The following DIXDC1 variants were observed in gnomAD, a reference collection of about 807,000 sequenced individuals.
DIXDC1 encodes the protein dixin.
Under a neutral mutation model 103.1 loss-of-function variants are expected in DIXDC1, and 64 were observed. The observed-to-expected ratio is 0.62, with a 90% CI of 0.51 to 0.76. The LOEUF is 0.76. Ranked by LOEUF, DIXDC1 falls within the 30% of genes least tolerant of loss-of-function variation. The pLI, the probability that DIXDC1 is intolerant of heterozygous loss-of-function variation, is 0.00. For missense variants in DIXDC1, 759 were observed against 834.2 expected (o/e 0.91, Z 1.11); for synonymous variants, 266 against 298.5 (o/e 0.89, Z 1.12).
At chr11:111,982,303 T>G (rs372917958) in intron 6 of DIXDC1, 36 bp from the exon 7 acceptor site, 342 of 1,593,844 alleles carry the variant, frequency 2.1e-4, no homozygotes, top group Non-Finnish European at 2.8e-4. Context: ...TCAGTTTTCT[T>G]CAACATGAAC....
Position 111,982,488 on chromosome 11 carries a change from G to A in DIXDC1, c.918+1G>A. The stretch of plus-strand genomic sequence containing the variant: ...AAAGAAAATGATATCAGGACTACAG[G>A]TAGCTCTCTCCCTTGTAGTTTGCCC... On this transcript the variant is annotated splice_donor_variant, in intron 7 of 19. Coordinates refer to ENST00000440460, the MANE Select transcript of DIXDC1 (RefSeq NM_001037954.4). LOFTEE classifies it high-confidence loss of function. 6.2e-7 allele frequency: 1 copy of A among 1,612,750 alleles called. No individual in the cohort carries two copies. The highest frequency in any genetic ancestry group is 8.5e-7 in the Non-Finnish European group (1 of 1,179,388).
chr11:112,013,495 G>C (rs1555177415), intron 17 of DIXDC1, among the ~76,000 whole-genome samples: 1 of 151,938 alleles, frequency 6.6e-6, no homozygotes, highest in Non-Finnish European at 1.5e-5. Flanking sequence ...ACATAATAAG[G>C]CACCCTATAA....
intron 1 of DIXDC1, among the ~76,000 whole-genome samples, chr11:111,954,435 G>T (rs1966870864): frequency 6.6e-6 from 1 of 152,194 alleles, no homozygotes; most frequent in Non-Finnish European, 1.5e-5. Flanking sequence ...GTTGCTAACA[G>T]GCCATGGACC....
chr11:111,931,377 C>T (rs754249470), intron 2 of DIXDC1, among the ~76,000 whole-genome samples: 1 of 150,750 alleles, frequency 6.6e-6, no homozygotes, highest in Non-Finnish European at 1.5e-5. Flanking sequence ...AGGCCAGGTG[C>T]GGTGGCTCAC....
rs1449027281 is a variant in DIXDC1, at chr11:111,958,177, C to T, written c.61-6372C>T. Among the ~76,000 whole-genome samples the T allele has an allele frequency of 6.6e-6, 1 of 150,840 alleles. No individual in the cohort carries two copies. The highest frequency in any genetic ancestry group is 1.5e-5 in the Non-Finnish European group (1 of 67,638). The stretch of plus-strand genomic sequence containing the variant: ...TCCCTGTGCTCTTGTGGGCCAGAAG[C>T]AGGTAGGAGTCCCGGCCTCCCGGGC... On this transcript the variant is annotated intron_variant, in intron 1 of 19. Coordinates refer to ENST00000440460, the MANE Select transcript of DIXDC1 (RefSeq NM_001037954.4). This position sits in a 1 kb window ranked among gnomAD's most constrained non-coding sequence, Gnocchi z 4.2.
Position 111,985,328 on chromosome 11 carries a change from TC to T in DIXDC1, c.1008+9del. ...CAATCCCGAGGAACAACTGGTGAGC[TC>T]CATCTTTTGTGATTGGACACTAAAT... On this transcript the variant is annotated splice_region_variant and intron_variant, in intron 8 of 19. Coordinates refer to ENST00000440460, the MANE Select transcript of DIXDC1 (RefSeq NM_001037954.4). The T allele has an allele frequency of 6.2e-7, 1 of 1,608,968 alleles. No individual in the cohort carries two copies. The highest frequency in any genetic ancestry group is 1.1e-5 in the South Asian group (1 of 90,312).
rs143038346 is a variant in DIXDC1, at chr11:111,990,553, C to A, written c.1113+1498C>A. On this transcript the variant is annotated intron_variant, in intron 10 of 19. Transcript: ENST00000440460. ...ATTCTATGTCAGTAGTACATAAAGA[C>A]TTTCCTAGGTCTTTTTTATGGCTGC... Among the ~76,000 whole-genome samples the A allele has an allele frequency of 1.6e-3, 248 of 152,246 alleles. 2 individuals carry two copies. The highest frequency in any genetic ancestry group is 5.6e-3 in the African/African-American group (231 of 41,532).
At chr11:112,012,781 T>G (rs1220227798) in intron 17 of DIXDC1, among the ~76,000 whole-genome samples, 2 of 152,236 alleles carry the variant, frequency 1.3e-5, no homozygotes, top group Non-Finnish European at 2.9e-5. Flanking sequence ...TCTCCCTCAT[T>G]ACTCTTATTT....
At chr11:112,011,813 G>A (rs1207022333) in intron 17 of DIXDC1, among the ~76,000 whole-genome samples, 1 of 151,616 alleles carries the variant, frequency 6.6e-6, no homozygotes, top group Non-Finnish European at 1.5e-5. Context: ...TGGAGGGGGG[G>A]ACGGGGGGAG....
chr11:112,007,054 C>T (rs1439894136), intron 17 of DIXDC1, among the ~76,000 whole-genome samples: 1 of 152,070 alleles, frequency 6.6e-6, no homozygotes, highest in African/African-American at 2.4e-5. Context: ...AGCTAGAAAC[C>T]TTGAAAAAAG....
intron 2 of DIXDC1, 135 bp from the exon 3 acceptor site, chr11:111,968,378 A>G: frequency 1.1e-6 from 1 of 929,342 alleles, no homozygotes; most frequent in South Asian, 2.0e-5. Context: ...GACAAACACC[A>G]GGACTTAACT....
chr11:111,986,784 A>G (rs1310229101), intron 8 of DIXDC1, 87 bp from the exon 9 acceptor site: 24 of 1,195,786 alleles, frequency 2.0e-5, no homozygotes, highest in Non-Finnish European at 2.8e-5. Flanking sequence ...GCTGGCATCT[A>G]GTAGTGCTCA....
chr11:111,961,152 C>T (rs965415131), intron 1 of DIXDC1, among the ~76,000 whole-genome samples: 1 of 152,098 alleles, frequency 6.6e-6, no homozygotes, highest in Non-Finnish European at 1.5e-5. Context: ...CAGGTGTTGC[C>T]GATGCTACTG....
chr11:111,931,419 G>T (rs1427533015), intron 2 of DIXDC1, among the ~76,000 whole-genome samples: 1 of 152,114 alleles, frequency 6.6e-6, no homozygotes, highest in Non-Finnish European at 1.5e-5. Flanking sequence ...GGAGGCTGAG[G>T]GGGGTGGATC....
chr11:111,972,253 C>T lies in DIXDC1; in HGVS notation c.317-1770C>T, dbSNP rs587670455. Among the ~76,000 whole-genome samples the T allele has an allele frequency of 1.5e-4, 23 of 152,354 alleles. No individual in the cohort carries two copies. The South Asian group carries it at 4.8e-3, about 32-fold the overall frequency. ...ACATTGACTTTCACCAGACTTACCA[C>T]ACTGTTTTCTGCCTACATTCCTCTT... On this transcript the variant is annotated intron_variant, in intron 3 of 19. Coordinates refer to ENST00000440460, the MANE Select transcript of DIXDC1 (RefSeq NM_001037954.4).
intron 5 of DIXDC1, among the ~76,000 whole-genome samples, chr11:111,980,463 T>G (rs587769695): frequency 2.6e-5 from 4 of 152,358 alleles, no homozygotes; most frequent in Admixed American, 2.0e-4. Flanking sequence ...ATCATTTTGG[T>G]AAATCTCTTC....
chr11:111,945,376 T>C (rs868959827), intron 1 of DIXDC1, among the ~76,000 whole-genome samples: 1 of 152,216 alleles, frequency 6.6e-6, no homozygotes, highest in Non-Finnish European at 1.5e-5. Flanking sequence ...CAATCAACTT[T>C]GGCAGACCAA....
intron 17 of DIXDC1, among the ~76,000 whole-genome samples, chr11:112,001,019 C>T (rs1555175938): frequency 6.6e-6 from 1 of 152,092 alleles, no homozygotes; most frequent in African/African-American, 2.4e-5. Flanking sequence ...GCCATATTCA[C>T]AATATTCGAA....
At chr11:111,941,805 G>A (rs1966423853) in intron 1 of DIXDC1, among the ~76,000 whole-genome samples, 1 of 151,380 alleles carries the variant, frequency 6.6e-6, no homozygotes, top group Non-Finnish European at 1.5e-5. Context: ...GCAACAGGGT[G>A]AGATTCTGTC....
Sources: gnomAD v4.1 joint callset for allele counts (sites outside exome capture counted in the v4.1 genomes callset) on GRCh38, gnomAD v4.1.1 for gene constraint, Gnocchi (gnomAD v3.1) non-coding constraint, MANE v1.5 for transcripts, NCBI Gene and HGNC (gene_info 2026-07-23, HGNC 2026-07-21) for gene names.